Variants in PDZRN4 observed in about 807,000 individuals in gnomAD.
PDZRN4 encodes PDZ domain-containing RING finger protein 4.
PDZRN4 carries 70 observed loss-of-function variants against 99.0 expected under a neutral mutation model. That is an observed-to-expected ratio of 0.71 (90% CI 0.58 to 0.86). PDZRN4 has a LOEUF of 0.86. Ranked by LOEUF, PDZRN4 falls within the 40% of genes least tolerant of loss-of-function variation. The pLI, the probability that PDZRN4 is intolerant of heterozygous loss-of-function variation, is 0.00. For synonymous variants in PDZRN4, 551 were observed against 501.6 expected, an observed-to-expected ratio of 1.10 and a Z score of -1.32; for missense variants, 1,474 against 1,331.2, an observed-to-expected ratio of 1.11 and a Z score of -1.67.
chr12:41,418,271 C>T lies in PDZRN4; in HGVS notation c.844-88185C>T, dbSNP rs76892813. On this transcript the variant is annotated intron_variant, in intron 3 of 9. Transcript: ENST00000402685. ...ACTTGGAAACATTGTTTTCATTCTA[C>T]GGAACATTAATTGAAAGTAGAGTGT... Among the ~76,000 whole-genome samples the T allele has an allele frequency of 3.8e-3, 576 of 152,250 alleles. 2 individuals are homozygous for T. Among genetic ancestry groups the T allele is most frequent in the African/African-American group, 0.013 (534 of 41,566 alleles).
At chr12:41,202,166 C>T (rs990080243) in intron 3 of PDZRN4, among the ~76,000 whole-genome samples, 2 of 152,086 alleles carry the variant, frequency 1.3e-5, no homozygotes, top group African/African-American at 4.8e-5. Context: ...GAGCTGGAAG[C>T]TTCCTAGAGC....
chr12:41,444,753 A>C (rs922391277), intron 3 of PDZRN4, among the ~76,000 whole-genome samples: 2 of 152,136 alleles, frequency 1.3e-5, no homozygotes, highest in Admixed American at 1.3e-4. Context: ...GAAAGTTATC[A>C]CTACCTTTCC....
rs1204287640 is a variant in PDZRN4 at position 41,573,606 on chromosome 12, A to C, written c.2827A>C (p.Lys943Gln). ...SEMKMGRYWSKEERKQHLVRA... is the reference protein window; with the variant it reads ...SEMKMGRYWSQEERKQHLVRA... ...GATGAAAATGGGGCGCTACTGGAGC[A>C]AAGAGGAGAGAAAGCAGCACCTGGT... Residue 943 changes from lysine to glutamine, a missense_variant, in exon 10 of 10, where the codon AAA (lysine) becomes CAA (glutamine). Physicochemically the swap from Lys to Gln is moderately conservative, Grantham distance 53. Coordinates refer to ENST00000402685, the MANE Select transcript of PDZRN4 (RefSeq NM_001164595.2). The C allele has an allele frequency of 6.2e-7, 1 of 1,613,970 alleles. No homozygotes were observed. The highest frequency in any genetic ancestry group is 8.5e-7 in the Non-Finnish European group (1 of 1,180,012).
intron 3 of PDZRN4, among the ~76,000 whole-genome samples, chr12:41,390,637 C>T (rs1952203832): frequency 1.3e-5 from 2 of 150,458 alleles, no homozygotes; most frequent in South Asian, 4.2e-4. Flanking sequence ...CATACATGTC[C>T]TTCTAATTGG....
Position 41,555,179 on chromosome 12 carries a change from G to A in PDZRN4, c.1303-519G>A, listed in dbSNP as rs547650865. 1.2e-4 allele frequency among the ~76,000 whole-genome samples: 17 copies of A among 140,722 alleles called. No individual in the cohort carries two copies. The East Asian group carries it at 1.2e-3, about 10-fold the overall frequency. The allele number at this position is 140,722 out of a possible 152,430, so 92.3% of individuals were successfully genotyped here. ...CCGAGAGGCGGAGCTTGCAGTGAGC[G>A]GAGATGGCGCCACTGCACTCCAGCC... is the stretch of plus-strand genomic sequence containing the variant. On this transcript the variant is annotated intron_variant, in intron 6 of 9. Transcript: ENST00000402685.
At chr12:41,510,688 T>C (rs907811477) in intron 5 of PDZRN4, among the ~76,000 whole-genome samples, 5 of 152,130 alleles carry the variant, frequency 3.3e-5, no homozygotes, top group African/African-American at 1.2e-4. Flanking sequence ...CTTCAGGTGA[T>C]GTCATACAAG....
At chr12:41,532,845 A>G (rs1475889959) in intron 5 of PDZRN4, among the ~76,000 whole-genome samples, 2 of 152,202 alleles carry the variant, frequency 1.3e-5, no homozygotes, top group Admixed American at 6.5e-5. Flanking sequence ...TGCCTAGTAC[A>G]AATTAAATGT....
At chr12:41,351,571 C>T (rs1041432117) in intron 3 of PDZRN4, among the ~76,000 whole-genome samples, 4 of 151,826 alleles carry the variant, frequency 2.6e-5, no homozygotes, top group African/African-American at 9.7e-5. Context: ...CTTCACATGG[C>T]CAGAAGGAGA....
chr12:41,251,670 G>A lies in PDZRN4; in HGVS notation c.843+57482G>A, dbSNP rs548055271. 2.0e-5 allele frequency among the ~76,000 whole-genome samples: 3 copies of A among 152,216 alleles called. No homozygotes were observed. In the South Asian group the frequency reaches 6.2e-4, roughly 32 times the overall value. The stretch of plus-strand genomic sequence containing the variant: ...ACACCTTTTCCATGAACTGTTTGAA[G>A]ACCCTTTGTATATGATCTATGATAA... On this transcript the variant is annotated intron_variant, in intron 3 of 9. Transcript: ENST00000402685.
chr12:41,483,424 T>C (rs1205887345), intron 3 of PDZRN4, among the ~76,000 whole-genome samples: 2 of 152,100 alleles, frequency 1.3e-5, no homozygotes, highest in Non-Finnish European at 2.9e-5. Flanking sequence ...TCTCTCTTTT[T>C]GCAGGGTGGG....
chr12:41,492,440 T>C (rs182182480), intron 3 of PDZRN4, among the ~76,000 whole-genome samples: 1 of 152,232 alleles, frequency 6.6e-6, no homozygotes, highest in Admixed American at 6.5e-5. Flanking sequence ...GCAGAGAAGA[T>C]TGGGAGGGGA....
At chr12:41,264,096 C>A (rs542183324) in intron 3 of PDZRN4, among the ~76,000 whole-genome samples, 5 of 152,080 alleles carry the variant, frequency 3.3e-5, no homozygotes, top group Non-Finnish European at 7.4e-5. Flanking sequence ...AGAGAAAAAA[C>A]CTATGGAAAT....
Position 41,428,094 on chromosome 12 carries a change from A to C in PDZRN4, c.844-78362A>C, listed in dbSNP as rs150997580. Among the ~76,000 whole-genome samples, 164 of 152,272 alleles carry C rather than the reference A, an allele frequency of 1.1e-3. 3 individuals are homozygous for C. In the East Asian group the frequency reaches 0.028, roughly 26 times the overall value. ...TAGAGTGAGACTCCATCTCAAAAAA[A>C]CAACAACAAAAACAAAACAAAACTC... is the stretch of plus-strand genomic sequence containing the variant. On this transcript the variant is annotated intron_variant, in intron 3 of 9. Transcript: ENST00000402685.
At chr12:41,571,411 A>AC (rs1345660141) in intron 9 of PDZRN4, among the ~76,000 whole-genome samples, 292 of 146,782 alleles carry the variant, frequency 2.0e-3, no homozygotes, top group Non-Finnish European at 3.5e-3. Flanking sequence ...CACACACTAC[A>AC]TAAACATACA....
intron 3 of PDZRN4, among the ~76,000 whole-genome samples, chr12:41,331,873 A>G (rs1951742896): frequency 6.6e-6 from 1 of 152,120 alleles, no homozygotes; most frequent in Non-Finnish European, 1.5e-5. Flanking sequence ...CATGGGGATT[A>G]TGGGAACTAC....
In PDZRN4 at chr12:41,573,230, T is replaced by C; in HGVS notation, c.2451T>C (p.Pro817=). Residue 817 remains proline, a synonymous_variant, in exon 10 of 10, where the codon CCT becomes CCC. Coordinates refer to ENST00000402685, the MANE Select transcript of PDZRN4 (RefSeq NM_001164595.2). ...KEKVLEGSKL[P]DQEKAVSEHI... is the part of the protein sequence containing the mutation. ...AGGTTTTAGAAGGCAGCAAGCTTCCTGATCAAGAGAAGGCAGTCAGCGAAC... is the reference window on the plus strand; with the variant it reads ...AGGTTTTAGAAGGCAGCAAGCTTCCCGATCAAGAGAAGGCAGTCAGCGAAC... The C allele has an allele frequency of 6.2e-7, 1 of 1,614,124 alleles. No individual in the cohort carries two copies. Among genetic ancestry groups the C allele is most frequent in the East Asian group, 2.2e-5 (1 of 44,860 alleles).
At chr12:41,406,571 GA>G (rs1952351693) in intron 3 of PDZRN4, among the ~76,000 whole-genome samples, 1 of 152,066 alleles carries the variant, frequency 6.6e-6, no homozygotes, top group South Asian at 2.1e-4. Context: ...ATCAACTAGA[GA>G]AATTACCCTT....
At chr12:41,247,476 G>A (rs563845007) in intron 3 of PDZRN4, among the ~76,000 whole-genome samples, 6 of 152,282 alleles carry the variant, frequency 3.9e-5, no homozygotes, top group African/African-American at 1.4e-4. Context: ...TTGATTGATT[G>A]TTGATTTAAC....
chr12:41,333,206 C>A (rs183599663), intron 3 of PDZRN4, among the ~76,000 whole-genome samples: 140 of 152,184 alleles, frequency 9.2e-4, no homozygotes, highest in Non-Finnish European at 1.3e-3. Flanking sequence ...ATTTTGGTAG[C>A]AATGAGCTAA....
Sources: allele counts gnomAD v4.1 joint callset (sites outside exome capture counted in the v4.1 genomes callset), GRCh38; gene constraint gnomAD v4.1.1; transcripts MANE v1.5; gene names NCBI Gene and HGNC (gene_info 2026-07-23, HGNC 2026-07-21).